Variants in MBD5 observed in about 807,000 individuals in gnomAD.
MBD5 encodes methyl-CpG binding domain protein 5, also known as methyl-CpG-binding domain protein 5.
MBD5 carries 13 observed loss-of-function variants against 117.3 expected under a neutral mutation model. The observed-to-expected ratio is 0.11, with a 90% CI of 0.07 to 0.18. The LOEUF (loss-of-function observed/expected upper bound fraction) is 0.18. Ranked by LOEUF, MBD5 falls within the 10% of genes least tolerant of loss-of-function variation. The pLI is 1.00. For missense variants in MBD5, 1,879 were observed against 2,093.8 expected, an observed-to-expected ratio of 0.90 and a Z score of 2.00; for synonymous variants, 727 against 766.4, an observed-to-expected ratio of 0.95 and a Z score of 0.85.
At chr2:148,257,123 C>G (rs1411366841) in intron 3 of MBD5, among the ~76,000 whole-genome samples, 4 of 152,208 alleles carry the variant, frequency 2.6e-5, no homozygotes, top group Non-Finnish European at 5.9e-5. Flanking sequence ...ATAGTTGGGA[C>G]CAAAAGCCTA....
chr2:148,181,728 A>T (rs1208308527), intron 2 of MBD5, among the ~76,000 whole-genome samples: 2 of 152,164 alleles, frequency 1.3e-5, no homozygotes, highest in African/African-American at 4.8e-5. Flanking sequence ...GCTCGATATT[A>T]ATTTCCTATC....
At chr2:148,474,531 TA>T (rs200394648) in intron 8 of MBD5, among the ~76,000 whole-genome samples, 2 of 150,986 alleles carry the variant, frequency 1.3e-5, no homozygotes, top group African/African-American at 2.4e-5. Context: ...TATTTTTTCC[TA>T]AAAAAAAACC....
chr2:148,320,375 G>A (rs1383979543), intron 3 of MBD5, among the ~76,000 whole-genome samples: 1 of 152,016 alleles, frequency 6.6e-6, no homozygotes, highest in Non-Finnish European at 1.5e-5. Flanking sequence ...TTGGTTGTTT[G>A]ACAGAATCTC....
intron 11 of MBD5, among the ~76,000 whole-genome samples, chr2:148,495,765 G>A (rs1681681791): frequency 6.6e-6 from 1 of 152,174 alleles, no homozygotes; most frequent in Non-Finnish European, 1.5e-5. Flanking sequence ...GATAAAAACA[G>A]CTCTCTGAAT....
At chr2:148,396,767 A>C (rs1461845266) in intron 4 of MBD5, among the ~76,000 whole-genome samples, 2 of 152,228 alleles carry the variant, frequency 1.3e-5, no homozygotes, top group African/African-American at 4.8e-5. Context: ...GGGTTGCCAC[A>C]GGTTAGCTAC....
At chr2:148,456,225 G>A (rs573376710) in intron 4 of MBD5, among the ~76,000 whole-genome samples, 9 of 152,206 alleles carry the variant, frequency 5.9e-5, no homozygotes, top group Admixed American at 5.9e-4. Context: ...CTGGAGGCTG[G>A]GAGATCCAAG....
chr2:148,206,579 C>A (rs1432665525), intron 2 of MBD5, among the ~76,000 whole-genome samples: 1 of 152,096 alleles, frequency 6.6e-6, no homozygotes, highest in African/African-American at 2.4e-5. Context: ...TATTTTTGTA[C>A]CCGTTAACCA....
intron 1 of MBD5, among the ~76,000 whole-genome samples, chr2:148,177,302 T>A (rs537212480): frequency 2.0e-5 from 3 of 152,330 alleles, no homozygotes; most frequent in African/African-American, 7.2e-5. Flanking sequence ...ATAATCAAGA[T>A]GCCTGTAAAG....
intron 2 of MBD5, among the ~76,000 whole-genome samples, chr2:148,188,910 C>T (rs1480940121): frequency 6.6e-6 from 1 of 151,542 alleles, no homozygotes; most frequent in African/African-American, 2.4e-5. Flanking sequence ...GCACCGTGCG[C>T]GAGCCGAAGC....
intron 3 of MBD5, among the ~76,000 whole-genome samples, chr2:148,276,699 G>C (rs1701121465): frequency 1.3e-5 from 2 of 152,084 alleles, no homozygotes; most frequent in African/African-American, 2.4e-5. Flanking sequence ...GGTTCCACTT[G>C]AGAGTTATAT....
chr2:148,318,481 A>G (rs1285385032), intron 3 of MBD5, among the ~76,000 whole-genome samples: 1 of 150,390 alleles, frequency 6.6e-6, no homozygotes, highest in Non-Finnish European at 1.5e-5. Flanking sequence ...CTATTTGTCT[A>G]TTTTTCTTTT....
At position 148,228,742 on chromosome 2, in the gene MBD5, A is replaced by T. The variant is rs367879981; in HGVS notation, c.-830-4503A>T. The stretch of plus-strand genomic sequence containing the variant: ...CGGCTGTGAATCCATCTGGTCCTGG[A>T]CTTTTTTTAATTGGTAAGCTATTAA... On this transcript the variant is annotated intron_variant, in intron 2 of 13. Coordinates refer to ENST00000642680, the MANE Select transcript of MBD5 (RefSeq NM_001378120.1). Among the ~76,000 whole-genome samples, 15 of 152,176 alleles carry T rather than the reference A, an allele frequency of 9.9e-5. No individual in the cohort carries two copies. In the South Asian group the frequency reaches 2.9e-3, roughly 30 times the overall value.
intron 2 of MBD5, among the ~76,000 whole-genome samples, chr2:148,197,593 C>T (rs932430470): frequency 4.6e-5 from 7 of 152,100 alleles, no homozygotes; most frequent in African/African-American, 1.7e-4. Flanking sequence ...TGGAACTTAA[C>T]TTGGGAAACC....
Position 148,021,640 on chromosome 2 carries a change from C to T in MBD5, c.-969C>T, listed in dbSNP as rs1355590413. On this transcript the variant is annotated 5_prime_UTR_variant, in exon 1 of 14. Coordinates refer to ENST00000642680, the MANE Select transcript of MBD5 (RefSeq NM_001378120.1). ...CCCCTTTATTACCCTTTGTGTCATC[C>T]TCCACAGCTCCAGGGAAGGCACTCA... 4.7e-6 allele frequency: 2 copies of T among 424,780 alleles called. No homozygotes were observed. The highest frequency in any genetic ancestry group is 4.7e-6 in the Non-Finnish European group (1 of 214,430). 26.3% of individuals were successfully genotyped at this position (424,780 alleles called of 1,614,324 possible).
chr2:148,210,543 T>A (rs1699397297), intron 2 of MBD5, among the ~76,000 whole-genome samples: 3 of 152,002 alleles, frequency 2.0e-5, no homozygotes. Flanking sequence ...ACAATAACAA[T>A]TTTTAAAAAT....
chr2:148,204,798 G>A (rs1025330155), intron 2 of MBD5, among the ~76,000 whole-genome samples: 1 of 152,066 alleles, frequency 6.6e-6, no homozygotes, highest in Non-Finnish European at 1.5e-5. Flanking sequence ...AATACTTTTT[G>A]AAAACATTCT....
chr2:148,182,889 C>A (rs1283391983), intron 2 of MBD5, among the ~76,000 whole-genome samples: 3 of 152,160 alleles, frequency 2.0e-5, no homozygotes, highest in Non-Finnish European at 4.4e-5. Flanking sequence ...GTAATGGGCA[C>A]CCCGCTTTTG....
At chr2:148,150,302 C>A (rs2105634773) in intron 1 of MBD5, among the ~76,000 whole-genome samples, 1 of 149,818 alleles carries the variant, frequency 6.7e-6, no homozygotes, top group South Asian at 2.1e-4. Flanking sequence ...TGATCTATAT[C>A]TCTGTTTTGG....
chr2:148,444,920 C>A (rs1455291907), intron 4 of MBD5, among the ~76,000 whole-genome samples: 1 of 150,868 alleles, frequency 6.6e-6, no homozygotes, highest in Non-Finnish European at 1.5e-5. Context: ...CCAATACTTG[C>A]ACCATTAATA....
Sources: allele counts gnomAD v4.1 joint callset (sites outside exome capture counted in the v4.1 genomes callset), GRCh38; gene constraint gnomAD v4.1.1; transcripts MANE v1.5; gene names NCBI Gene and HGNC (gene_info 2026-07-23, HGNC 2026-07-21).